The following FBXO27 variants were observed in gnomAD, a reference collection of about 807,000 sequenced individuals.
FBXO27 encodes F-box protein 27, also known as F-box only protein 27.
FBXO27 carries 28 observed loss-of-function variants against 28.3 expected under a neutral mutation model. The observed-to-expected ratio is 0.99, with a 90% CI of 0.73 to 1.36. The LOEUF is 1.36. FBXO27 is among the 40% of genes most tolerant of loss of function. The pLI, the probability that FBXO27 is intolerant of heterozygous loss-of-function variation, is 0.00. For synonymous variants in FBXO27, 175 were observed against 167.3 expected, an observed-to-expected ratio of 1.05 and a Z score of -0.36; for missense variants, 388 against 394.1, an observed-to-expected ratio of 0.98 and a Z score of 0.13.
At chr19:39,012,572 C>A (rs1314806381) in intron 2 of FBXO27, among the ~76,000 whole-genome samples, 1 of 152,180 alleles carries the variant, frequency 6.6e-6, no homozygotes, top group Non-Finnish European at 1.5e-5. Context: ...CATTTTTATA[C>A]AAGTTGACTA....
At chr19:39,021,427 C>T (rs186898163), downstream of FBXO27, among the ~76,000 whole-genome samples, 2 of 152,160 alleles carry the variant, frequency 1.3e-5, no homozygotes, top group African/African-American at 2.4e-5. Context: ...GTGAAGATAA[C>T]GAGGATGAAG....
At position 39,026,949 on chromosome 19, in the gene FBXO27, T is replaced by C; in HGVS notation, c.629A>G (p.Asp210Gly). The change falls in exon 5 of 6, where the codon GAC (aspartate) becomes GGC (glycine). Residue 210 changes from aspartate (D) to glycine (G), a missense_variant. Coordinates refer to ENST00000292853, the MANE Select transcript of FBXO27 (RefSeq NM_178820.5). Reference sequence around the variant, plus strand: ...TTTATCTAGAACAGTCTGGTTGGCGTCTAGAAGTTGGACGAGGAGTCTGTA... The same window carrying C: ...TTTATCTAGAACAGTCTGGTTGGCGCCTAGAAGTTGGACGAGGAGTCTGTA... ...CMYRLLVQLL[D>G]ANQTVLDKFS... is the part of the protein sequence containing the mutation. 6.2e-7 allele frequency: 1 copy of C among 1,614,144 alleles called. No homozygotes were observed. Among genetic ancestry groups the C allele is most frequent in the Non-Finnish European group, 8.5e-7 (1 of 1,180,040 alleles).
At chr19:39,020,755 CAA>C (rs61577516), downstream of FBXO27, among the ~76,000 whole-genome samples, 25,320 of 105,280 alleles carry the variant, frequency 0.24, 3,088 homozygotes, top group South Asian at 0.47. Flanking sequence ...GTGGATATGG[CAA>C]AAAAAAAAAA....
In FBXO27 at chr19:39,032,183, C is replaced by A; in HGVS notation, c.45G>T (p.Ala15=). The A allele has an allele frequency of 6.7e-7, 1 of 1,496,124 alleles. No individual in the cohort carries two copies. Among genetic ancestry groups the A allele is most frequent in the South Asian group, 1.3e-5 (1 of 77,680 alleles). The allele number at this position is 1,496,124 out of a possible 1,614,324, so 92.7% of individuals were successfully genotyped here. A position where few individuals can be genotyped will look rare whatever the true frequency, so the allele number is the denominator to read the frequency against. The change falls in exon 2 of 6, where the codon GCG becomes GCT. Residue 15 remains alanine (A), a synonymous_variant. Transcript: ENST00000292853. This position sits in a 1 kb window ranked among gnomAD's most constrained non-coding sequence, Gnocchi z 4.7. ...GCGCCTCTTCGGGTTCCGGCTCCGG[C>A]GCGGGGACCCGGGCGGCCCGGCCCC... is the stretch of plus-strand genomic sequence containing the variant. ...VSRGRAARVP[A]PEPEPEEALD... is the part of the protein sequence containing the mutation.
intron 2 of FBXO27, 142 bp from the exon 3 acceptor site, chr19:39,031,462 C>A: frequency 1.4e-6 from 1 of 715,804 alleles, no homozygotes; most frequent in Non-Finnish European, 2.3e-6. Flanking sequence ...GCCCCCTTCC[C>A]CTCCCACCAG....
rs913803686 is a variant in FBXO27, at chr19:39,025,183, G to GC, written c.*227dup. 35 of 553,556 alleles carry GC rather than the reference G, an allele frequency of 6.3e-5. No homozygotes were observed. The highest frequency in any genetic ancestry group is 1.9e-4 in the South Asian group (7 of 37,592). 34.3% of individuals were successfully genotyped at this position (553,556 alleles called of 1,614,324 possible). A position where few individuals can be genotyped will look rare whatever the true frequency, so the allele number is the denominator to read the frequency against. On this transcript the variant is annotated 3_prime_UTR_variant, in exon 6 of 6. Coordinates refer to ENST00000292853, the MANE Select transcript of FBXO27 (RefSeq NM_178820.5). ...GTGGGTTTCCCCTCAGTACAGTAGGGCCCCCCCGCAAAGCAGCAGCTGCAG... is the reference window on the plus strand; with the variant it reads ...GTGGGTTTCCCCTCAGTACAGTAGGGCCCCCCCCGCAAAGCAGCAGCTGCAG...
chr19:39,011,522 T>C (rs2072794015), intron 2 of FBXO27, among the ~76,000 whole-genome samples: 1 of 152,238 alleles, frequency 6.6e-6, no homozygotes, highest in African/African-American at 2.4e-5. Flanking sequence ...AGTCTTCCAG[T>C]TGATGAACAT....
downstream of FBXO27, among the ~76,000 whole-genome samples, chr19:39,022,389 C>A (rs2072849958): frequency 6.6e-6 from 1 of 152,008 alleles, no homozygotes; most frequent in South Asian, 2.1e-4. Flanking sequence ...AATTCTCCTG[C>A]CTAGGCTTCC....
At chr19:39,022,187 A>C (rs1600225947), downstream of FBXO27, among the ~76,000 whole-genome samples, 1 of 113,208 alleles carries the variant, frequency 8.8e-6, no homozygotes, top group African/African-American at 3.6e-5. Flanking sequence ...ACAGGGTCTC[A>C]CTCTGTCTCC....
chr19:39,010,506 G>A (rs2072789609), intron 2 of FBXO27, among the ~76,000 whole-genome samples: 1 of 152,168 alleles, frequency 6.6e-6, no homozygotes, highest in Non-Finnish European at 1.5e-5. Context: ...TGACTCCAGA[G>A]GCAGGGCTCG....
At chr19:39,020,673 C>T (rs1568458842), downstream of FBXO27, among the ~76,000 whole-genome samples, 1 of 146,896 alleles carries the variant, frequency 6.8e-6, no homozygotes, top group Non-Finnish European at 1.5e-5. Context: ...CAGGAGAAAA[C>T]TGTGTCTATA....
At chr19:39,010,910 A>G (rs12610248) in intron 2 of FBXO27, among the ~76,000 whole-genome samples, 65,696 of 152,066 alleles carry the variant, frequency 0.43, 14,831 homozygotes, top group Middle Eastern at 0.57. Context: ...AAAGCCAAGA[A>G]CCTCATGGGC....
In FBXO27 at chr19:39,024,672, A is replaced by T. The variant is rs1173389352; in HGVS notation, c.*739T>A. ...CGAGTAGCTGGAATTACAGGTGCACACCACCAAGCCCGGCTAATTTTTTGG... is the reference window on the plus strand; with the variant it reads ...CGAGTAGCTGGAATTACAGGTGCACTCCACCAAGCCCGGCTAATTTTTTGG... On this transcript the variant is annotated 3_prime_UTR_variant, in exon 6 of 6. Coordinates refer to ENST00000292853, the MANE Select transcript of FBXO27 (RefSeq NM_178820.5). 6.6e-6 allele frequency: 1 copy of T among 152,046 alleles called. No homozygotes were observed. The highest frequency in any genetic ancestry group is 1.5e-5 in the Non-Finnish European group (1 of 68,128). The allele number at this position is 152,046 out of a possible 1,614,324, so 9.4% of individuals were successfully genotyped here. A position where few individuals can be genotyped will look rare whatever the true frequency, so the allele number is the denominator to read the frequency against.
chr19:39,021,593 A>G (rs2072845302), downstream of FBXO27, among the ~76,000 whole-genome samples: 1 of 152,260 alleles, frequency 6.6e-6, no homozygotes, highest in East Asian at 1.9e-4. Context: ...TTGACCATTT[A>G]TGTTATCAGC....
At chr19:39,017,741 T>C (rs1423716379) in intron 1 of FBXO27, among the ~76,000 whole-genome samples, 3 of 152,070 alleles carry the variant, frequency 2.0e-5, no homozygotes, top group African/African-American at 4.8e-5. Context: ...CCTTTTTTTT[T>C]CTCATTGCAA....
Position 39,032,147 on chromosome 19 carries a change from G to A in FBXO27, c.81C>T (p.Ser27=). The A allele has an allele frequency of 6.5e-7, 1 of 1,543,714 alleles. No homozygotes were observed. The highest frequency in any genetic ancestry group is 2.6e-5 in the East Asian group (1 of 37,830). The stretch of plus-strand genomic sequence containing the variant: ...CCAGAAGCAGCTCTGGGGGTAGTTG[G>A]CTCAGGTCCAGCGCCTCTTCGGGTT... The part of the protein sequence containing the change: ...EPEPEEALDL[S]QLPPELLLVV... Residue 27 remains serine, a synonymous_variant, in exon 2 of 6, where the codon AGC becomes AGT. Transcript: ENST00000292853. The surrounding 1 kb of genome is among the most constrained non-coding windows in gnomAD (Gnocchi z 4.7).
chr19:39,025,211 G>A lies in FBXO27; in HGVS notation c.*200C>T. ...CCCCCGCAAAGCAGCAGCTGCAGTA[G>A]GTAGATAAGATGGAAGAAGCTTCTT... On this transcript the variant is annotated 3_prime_UTR_variant, in exon 6 of 6. Coordinates refer to ENST00000292853, the MANE Select transcript of FBXO27 (RefSeq NM_178820.5). 1 of 647,840 alleles carries A rather than the reference G, an allele frequency of 1.5e-6. No individual in the cohort carries two copies. Among genetic ancestry groups the A allele is most frequent in the Non-Finnish European group, 2.5e-6 (1 of 398,388 alleles). 40.1% of individuals were successfully genotyped at this position (647,840 alleles called of 1,614,324 possible). A position where few individuals can be genotyped will look rare whatever the true frequency, so the allele number is the denominator to read the frequency against.
At chr19:39,013,888 C>T (rs901889094) in intron 2 of FBXO27, among the ~76,000 whole-genome samples, 2 of 151,904 alleles carry the variant, frequency 1.3e-5, no homozygotes, top group Non-Finnish European at 2.9e-5. Flanking sequence ...TGGTGGGCGC[C>T]TGTAGTCCCA....
chr19:39,017,628 C>CAG (rs199935980), intron 1 of FBXO27, among the ~76,000 whole-genome samples: 3 of 149,480 alleles, frequency 2.0e-5, no homozygotes, highest in African/African-American at 7.4e-5. Flanking sequence ...GTGGAGGTTA[C>CAG]TGCACTCCAG....
Sources: gnomAD v4.1 joint callset for allele counts (sites outside exome capture counted in the v4.1 genomes callset) on GRCh38, gnomAD v4.1.1 for gene constraint, Gnocchi (gnomAD v3.1) non-coding constraint, MANE v1.5 for transcripts, NCBI Gene and HGNC (gene_info 2026-07-23, HGNC 2026-07-21) for gene names.